PRKN: variants seen among roughly 807,000 people sequenced by gnomAD.
PRKN encodes the protein E3 ubiquitin-protein ligase parkin.
A neutral mutation model predicts 59.5 loss-of-function variants in PRKN; 56 were observed. The observed-to-expected ratio is 0.94, with a 90% CI of 0.76 to 1.18. The LOEUF (loss-of-function observed/expected upper bound fraction) is 1.18, where lower values mean the gene tolerates loss of function less well. PRKN is among the 50% of genes most tolerant of loss of function. PRKN has a pLI of 0.00. For synonymous variants in PRKN, 250 were observed against 222.1 expected, an observed-to-expected ratio of 1.13 and a Z score of -1.12; for missense variants, 657 against 596.4, an observed-to-expected ratio of 1.10 and a Z score of -1.06.
chr6:162,505,305 G>A (rs1449394537), intron 1 of PRKN, among the ~76,000 whole-genome samples: 1 of 152,112 alleles, frequency 6.6e-6, no homozygotes, highest in Non-Finnish European at 1.5e-5. Context: ...TTATCAACAG[G>A]ACAATGATTA....
Position 162,398,637 on chromosome 6 carries a change from G to A in PRKN, c.171+44673C>T, listed in dbSNP as rs1374720782. ...ATTCCTGACCTCAGGTGATCCACCC[G>A]CCTCAGCCTCCCAAAGTGCTGGGAT... On this transcript the variant is annotated intron_variant, in intron 2 of 11. Coordinates refer to ENST00000366898, the MANE Select transcript of PRKN (RefSeq NM_004562.3). 4.6e-5 allele frequency among the ~76,000 whole-genome samples: 7 copies of A among 152,188 alleles called. 1 individual carries two copies. The South Asian group carries it at 6.2e-4, about 14-fold the overall frequency.
intron 2 of PRKN, among the ~76,000 whole-genome samples, chr6:162,291,491 T>A (rs185412252): frequency 6.6e-6 from 1 of 152,094 alleles, no homozygotes; most frequent in Non-Finnish European, 1.5e-5. Context: ...TTGATCACTA[T>A]TACCAACCCA....
chr6:161,381,376 G>C (rs981914891), intron 10 of PRKN, among the ~76,000 whole-genome samples: 1 of 152,056 alleles, frequency 6.6e-6, no homozygotes, highest in Non-Finnish European at 1.5e-5. Flanking sequence ...TATGCCCCTG[G>C]GTGGCCACTC....
At chr6:161,680,775 A>ATATATAT (rs1216235673) in intron 7 of PRKN, among the ~76,000 whole-genome samples, 6 of 30,616 alleles carry the variant, frequency 2.0e-4, no homozygotes, top group Admixed American at 5.1e-4. Context: ...ATATATATAT[A>ATATATAT]TTTTTTTTTT....
At chr6:162,719,876 G>C (rs1207547409) in intron 1 of PRKN, among the ~76,000 whole-genome samples, 1 of 151,494 alleles carries the variant, frequency 6.6e-6, no homozygotes, top group Non-Finnish European at 1.5e-5. Context: ...ACAGAAAAGA[G>C]GGAGTGCAGG....
chr6:162,337,962 C>T (rs1783924793), intron 2 of PRKN, among the ~76,000 whole-genome samples: 1 of 151,970 alleles, frequency 6.6e-6, no homozygotes, highest in African/African-American at 2.4e-5. Flanking sequence ...TTCATTATAA[C>T]ATATTATAAA....
At chr6:162,725,541 C>A (rs1316619327) in intron 1 of PRKN, among the ~76,000 whole-genome samples, 1 of 152,122 alleles carries the variant, frequency 6.6e-6, no homozygotes, top group Non-Finnish European at 1.5e-5. Context: ...GGGAGGATTG[C>A]TTGAGCCCAG....
chr6:161,654,687 G>C (rs1002605214), intron 7 of PRKN, among the ~76,000 whole-genome samples: 10 of 152,220 alleles, frequency 6.6e-5, no homozygotes, highest in African/African-American at 2.4e-4. Flanking sequence ...CCTCCCACGT[G>C]TGTATCTACG....
At chr6:162,514,326 T>C (rs1477592464) in intron 1 of PRKN, among the ~76,000 whole-genome samples, 3 of 152,104 alleles carry the variant, frequency 2.0e-5, no homozygotes, top group Admixed American at 6.6e-5. Flanking sequence ...AGCTTAATGC[T>C]ACCAATTTAT....
intron 9 of PRKN, among the ~76,000 whole-genome samples, chr6:161,465,098 C>T (rs940222338): frequency 6.6e-6 from 1 of 152,168 alleles, no homozygotes; most frequent in African/African-American, 2.4e-5. Flanking sequence ...TGCAAAAAGT[C>T]GCAGCGACAG....
chr6:162,055,918 T>C (rs1264514908), intron 4 of PRKN, among the ~76,000 whole-genome samples: 30 of 151,780 alleles, frequency 2.0e-4, no homozygotes, highest in Non-Finnish European at 1.5e-5. Flanking sequence ...CCCTCCCTCC[T>C]TTACCATTAC....
At chr6:162,237,761 A>G (rs1029387205) in intron 3 of PRKN, among the ~76,000 whole-genome samples, 3 of 151,892 alleles carry the variant, frequency 2.0e-5, no homozygotes, top group African/African-American at 4.8e-5. Context: ...TCATAAATGC[A>G]TATCTGATAT....
intron 1 of PRKN, among the ~76,000 whole-genome samples, chr6:162,720,230 T>C (rs1295095393): frequency 6.6e-6 from 1 of 152,174 alleles, no homozygotes; most frequent in East Asian, 1.9e-4. Flanking sequence ...ATCACCAATT[T>C]TCCCCCTCAT....
intron 2 of PRKN, among the ~76,000 whole-genome samples, chr6:162,346,496 C>G (rs564925992): frequency 2.9e-3 from 440 of 151,578 alleles, no homozygotes; most frequent in Middle Eastern, 0.01. Flanking sequence ...TGGTGCATGC[C>G]TGTAGTCCCA....
intron 2 of PRKN, among the ~76,000 whole-genome samples, chr6:162,350,673 A>T (rs1235543071): frequency 6.6e-6 from 1 of 152,208 alleles, no homozygotes; most frequent in Non-Finnish European, 1.5e-5. Context: ...AAATTAACAC[A>T]CAATTGATCA....
At chr6:162,582,290 A>G (rs66534429) in intron 1 of PRKN, among the ~76,000 whole-genome samples, 18,716 of 152,266 alleles carry the variant, frequency 0.12, 1,260 homozygotes, top group Middle Eastern at 0.2. Context: ...AAAAACAAGC[A>G]TTAAGTATTT....
At chr6:161,836,515 A>C (rs879930622) in intron 6 of PRKN, among the ~76,000 whole-genome samples, 1 of 152,204 alleles carries the variant, frequency 6.6e-6, no homozygotes, top group Non-Finnish European at 1.5e-5. Context: ...GGGAACTTGG[A>C]TAGAGATAAA....
chr6:161,717,377 T>C (rs537390420), intron 7 of PRKN, among the ~76,000 whole-genome samples: 1 of 152,196 alleles, frequency 6.6e-6, no homozygotes, highest in Non-Finnish European at 1.5e-5. Flanking sequence ...GAGGAGCACA[T>C]TCAAACCATA....
intron 7 of PRKN, among the ~76,000 whole-genome samples, chr6:161,622,531 C>T (rs1211846016): frequency 6.6e-6 from 1 of 152,156 alleles, no homozygotes; most frequent in Admixed American, 6.5e-5. Flanking sequence ...CCTCACCTCT[C>T]ATCCTCCCCC....
Sources: gnomAD v4.1 joint callset for allele counts (sites outside exome capture counted in the v4.1 genomes callset) on GRCh38, gnomAD v4.1.1 for gene constraint, MANE v1.5 for transcripts, NCBI Gene and HGNC (gene_info 2026-07-23, HGNC 2026-07-21) for gene names.